The following TULP4 variants were observed in gnomAD, a reference collection of about 807,000 sequenced individuals.
The protein encoded by TULP4 is tubby-related protein 4.
Under a neutral mutation model 129.0 loss-of-function variants are expected in TULP4, and 16 were observed. The ratio of observed to expected loss-of-function variants is 0.12; its 90% CI spans 0.08 to 0.19. TULP4 has a LOEUF of 0.19. Ranked by LOEUF, TULP4 falls within the 10% of genes least tolerant of loss-of-function variation. The pLI, the probability that TULP4 is intolerant of heterozygous loss-of-function variation, is 1.00. For missense variants in TULP4, 1,842 were observed against 2,059.1 expected (o/e 0.89, Z 2.04); for synonymous variants, 998 against 854.0 (o/e 1.17, Z -2.94).
At chr6:158,491,503 TC>T (rs1562589302) in intron 9 of TULP4, among the ~76,000 whole-genome samples, 7 of 39,964 alleles carry the variant, frequency 1.8e-4, no homozygotes, top group Non-Finnish European at 3.2e-4. Flanking sequence ...TTTCTTTCTT[TC>T]TTTCTTTCTT....
chr6:158,237,770 A>C (rs1777744842), intron 1 of TULP4: 1 of 790,916 alleles, frequency 1.3e-6, no homozygotes, highest in African/African-American at 1.7e-5. Context: ...GCACCAGGAG[A>C]ATTTTCAAGA....
intron 8 of TULP4, among the ~76,000 whole-genome samples, chr6:158,486,777 C>T (rs1341351523): frequency 6.6e-6 from 1 of 152,114 alleles, no homozygotes; most frequent in African/African-American, 2.4e-5. Flanking sequence ...TATTTAAAAG[C>T]CATTAAAACC....
intron 1 of TULP4, among the ~76,000 whole-genome samples, chr6:158,393,107 C>T (rs1342218977): frequency 2.0e-5 from 3 of 152,082 alleles, no homozygotes; most frequent in Non-Finnish European, 4.4e-5. Context: ...GGCTACAGGC[C>T]CCATGCAAGA....
chr6:158,462,080 C>T (rs1188351437), intron 6 of TULP4, among the ~76,000 whole-genome samples: 1 of 152,108 alleles, frequency 6.6e-6, no homozygotes, highest in African/African-American at 2.4e-5. Context: ...CAGGACTCCC[C>T]ATTGCAAAAG....
intron 1 of TULP4, among the ~76,000 whole-genome samples, chr6:158,357,358 A>G (rs371306113): frequency 1.2e-4 from 18 of 152,358 alleles, no homozygotes; most frequent in African/African-American, 4.1e-4. Flanking sequence ...AGCTGCAGGC[A>G]GAGTCATTTG....
intron 1 of TULP4, among the ~76,000 whole-genome samples, chr6:158,246,366 C>T (rs1470294076): frequency 2.0e-5 from 3 of 151,952 alleles, no homozygotes; most frequent in South Asian, 4.2e-4. Context: ...GTGGCAGGCG[C>T]CTGTAGTCCC....
At chr6:158,263,299 C>CCTAAGAA (rs1292093666) in intron 1 of TULP4, among the ~76,000 whole-genome samples, 1 of 152,236 alleles carries the variant, frequency 6.6e-6, no homozygotes, top group African/African-American at 2.4e-5. Context: ...GAGACTGTCT[C>CCTAAGAA]CTAAGAACTA....
intron 7 of TULP4, among the ~76,000 whole-genome samples, chr6:158,480,761 A>G (rs1008763613): frequency 8.5e-5 from 13 of 152,152 alleles, no homozygotes; most frequent in African/African-American, 3.1e-4. Context: ...GGTGTATTAT[A>G]TAGCATTGGA....
chr6:158,380,894 C>CAAAAAA (rs1227720723), intron 1 of TULP4, among the ~76,000 whole-genome samples: 2,482 of 72,138 alleles, frequency 0.034, 128 homozygotes, highest in African/African-American at 0.047. Flanking sequence ...ACTCTGTCTC[C>CAAAAAA]AAAAAAAAAA....
At chr6:158,308,607 C>T (rs1184536045), upstream of TULP4, among the ~76,000 whole-genome samples, 27 of 151,344 alleles carry the variant, frequency 1.8e-4, 1 homozygote, top group African/African-American at 4.1e-4. Context: ...ACCTCCCGGA[C>T]GGGGCGGCTG....
At chr6:158,308,987 C>T (rs1225426874), upstream of TULP4, among the ~76,000 whole-genome samples, 1 of 140,436 alleles carries the variant, frequency 7.1e-6, no homozygotes, top group East Asian at 2.1e-4. Flanking sequence ...AGGGGGCTGA[C>T]CCCCCCACCT....
chr6:158,252,649 C>T (rs564422224), intron 1 of TULP4, among the ~76,000 whole-genome samples: 7 of 152,334 alleles, frequency 4.6e-5, no homozygotes, highest in Non-Finnish European at 1.5e-5. Context: ...GCTGGGATTA[C>T]AGGTGTGAGC....
At chr6:158,443,488 C>G (rs1053916481) in intron 3 of TULP4, among the ~76,000 whole-genome samples, 1 of 152,002 alleles carries the variant, frequency 6.6e-6, no homozygotes, top group Non-Finnish European at 1.5e-5. Flanking sequence ...ATGGGTATGT[C>G]TTAGAAGGGT....
At chr6:158,273,806 T>C (rs1487624864) in intron 1 of TULP4, among the ~76,000 whole-genome samples, 1 of 152,232 alleles carries the variant, frequency 6.6e-6, no homozygotes, top group Non-Finnish European at 1.5e-5. Flanking sequence ...ATATAGCTCC[T>C]AGTATGTACC....
chr6:158,298,486 A>G (rs776547540), intron 1 of TULP4, among the ~76,000 whole-genome samples: 26 of 149,646 alleles, frequency 1.7e-4, no homozygotes, highest in Non-Finnish European at 3.7e-4. Flanking sequence ...CTTTCTTTTT[A>G]TATAAATGTG....
intron 1 of TULP4, among the ~76,000 whole-genome samples, chr6:158,386,011 A>G (rs1471647338): frequency 6.6e-6 from 1 of 151,546 alleles, no homozygotes; most frequent in Non-Finnish European, 1.5e-5. Context: ...CACCCAGATA[A>G]TTTTTAAATT....
At chr6:158,240,966 C>CAGAGGCTGCAATCTCGGCACTTTG (rs1777886082) in intron 1 of TULP4, among the ~76,000 whole-genome samples, 1 of 142,140 alleles carries the variant, frequency 7.0e-6, no homozygotes, top group African/African-American at 2.5e-5. Flanking sequence ...AGCTGCCGGG[C>CAGAGGCTGCAATCTCGGCACTTTG]GGAGGGGCTC....
intron 3 of TULP4, among the ~76,000 whole-genome samples, chr6:158,448,232 G>C (rs1779095712): frequency 6.6e-6 from 1 of 152,146 alleles, no homozygotes; most frequent in Non-Finnish European, 1.5e-5. Flanking sequence ...TCTGAGATGG[G>C]TGAGGCCAAG....
chr6:158,359,638 G>A (rs185129754), intron 1 of TULP4, among the ~76,000 whole-genome samples: 1 of 152,228 alleles, frequency 6.6e-6, no homozygotes, highest in Admixed American at 6.5e-5. Flanking sequence ...CCCGGATTGA[G>A]GGTGGGTCTG....
Sources: gnomAD v4.1 joint callset for allele counts (sites outside exome capture counted in the v4.1 genomes callset) on GRCh38, gnomAD v4.1.1 for gene constraint, MANE v1.5 for transcripts, NCBI Gene and HGNC (gene_info 2026-07-23, HGNC 2026-07-21) for gene names.